The following CNTN5 variants were observed in gnomAD, a reference collection of about 807,000 sequenced individuals.
The protein encoded by CNTN5 is contactin 5.
Under a neutral mutation model 129.1 loss-of-function variants are expected in CNTN5, and 77 were observed. The ratio of observed to expected loss-of-function variants is 0.60; its 90% CI spans 0.50 to 0.72. The LOEUF is 0.72. Ranked by LOEUF, CNTN5 falls within the 30% of genes least tolerant of loss-of-function variation. The probability of loss-of-function intolerance (pLI) is 0.00; values close to 1 mark genes in which losing one functional copy is unlikely to be tolerated. For synonymous variants in CNTN5, 509 were observed against 465.6 expected, an observed-to-expected ratio of 1.09 and a Z score of -1.20; for missense variants, 1,478 against 1,328.8, an observed-to-expected ratio of 1.11 and a Z score of -1.75.
At chr11:100,139,817 T>TTAGCCTGGG (rs1339114660) in intron 13 of CNTN5, among the ~76,000 whole-genome samples, 1 of 151,772 alleles carries the variant, frequency 6.6e-6, no homozygotes, top group Non-Finnish European at 1.5e-5. Context: ...TGAGCTGAGA[T>TTAGCCTGGG]TAGCCTGGGT....
intron 1 of CNTN5, among the ~76,000 whole-genome samples, chr11:99,097,362 T>G (rs1185695556): frequency 6.6e-6 from 1 of 151,890 alleles, no homozygotes; most frequent in African/African-American, 2.4e-5. Flanking sequence ...AAAAATATGA[T>G]GTATTACCAC....
intron 2 of CNTN5, among the ~76,000 whole-genome samples, chr11:99,432,404 G>C (rs1943408619): frequency 1.4e-5 from 2 of 147,746 alleles, no homozygotes; most frequent in South Asian, 2.2e-4. Context: ...ACCAGAGTTG[G>C]GGCTCTGTTT....
chr11:100,320,993 T>G (rs1336620950), intron 21 of CNTN5, among the ~76,000 whole-genome samples: 1 of 152,196 alleles, frequency 6.6e-6, no homozygotes, highest in Non-Finnish European at 1.5e-5. Context: ...GGTAGTTTGA[T>G]ACCTCCAATT....
chr11:99,289,606 C>A (rs959772350), intron 1 of CNTN5, among the ~76,000 whole-genome samples: 3 of 151,678 alleles, frequency 2.0e-5, no homozygotes, highest in Non-Finnish European at 3.0e-5. Flanking sequence ...AAATTATGAC[C>A]ATTCTACTTT....
intron 4 of CNTN5, among the ~76,000 whole-genome samples, chr11:99,823,691 A>G (rs570509579): frequency 1.4e-5 from 2 of 147,988 alleles, no homozygotes; most frequent in South Asian, 4.1e-4. Flanking sequence ...CTATATATTA[A>G]GTTTATTAAA....
intron 20 of CNTN5, among the ~76,000 whole-genome samples, chr11:100,304,574 A>G (rs986889390): frequency 2.0e-5 from 3 of 151,556 alleles, no homozygotes; most frequent in Non-Finnish European, 4.4e-5. Context: ...TTCTGGCAAG[A>G]TCTAGAAATA....
chr11:99,719,838 A>G (rs867690950), intron 3 of CNTN5, among the ~76,000 whole-genome samples: 21 of 152,270 alleles, frequency 1.4e-4, no homozygotes, highest in African/African-American at 4.3e-4. Flanking sequence ...TAGAAATGAC[A>G]AAGGAAATGT....
intron 7 of CNTN5, among the ~76,000 whole-genome samples, chr11:99,919,001 G>C (rs1410926023): frequency 3.3e-5 from 5 of 152,128 alleles, no homozygotes; most frequent in Non-Finnish European, 7.3e-5. Context: ...AGATTGTGCA[G>C]TCCAACTCCA....
At chr11:99,879,594 G>T (rs1591356408) in intron 6 of CNTN5, among the ~76,000 whole-genome samples, 1 of 151,694 alleles carries the variant, frequency 6.6e-6, no homozygotes, top group East Asian at 1.9e-4. Flanking sequence ...TTGAGTTTGG[G>T]TTTTTTTTCT....
intron 3 of CNTN5, among the ~76,000 whole-genome samples, chr11:99,581,831 G>T (rs1020795134): frequency 6.6e-6 from 1 of 152,118 alleles, no homozygotes; most frequent in Non-Finnish European, 1.5e-5. Context: ...TTACATTTAA[G>T]GTTATTATTG....
chr11:100,348,051 T>C (rs1159255839), intron 23 of CNTN5, among the ~76,000 whole-genome samples: 2 of 151,362 alleles, frequency 1.3e-5, no homozygotes, highest in Non-Finnish European at 3.0e-5. Context: ...TGCTCTCAGT[T>C]TTTTTTTTAA....
At chr11:99,157,395 C>A (rs911941850) in intron 1 of CNTN5, among the ~76,000 whole-genome samples, 1 of 151,892 alleles carries the variant, frequency 6.6e-6, no homozygotes, top group Non-Finnish European at 1.5e-5. Context: ...AATTGAATTG[C>A]TTTTAAAACC....
At chr11:99,430,755 A>T (rs1943333170) in intron 2 of CNTN5, among the ~76,000 whole-genome samples, 1 of 151,982 alleles carries the variant, frequency 6.6e-6, no homozygotes, top group Non-Finnish European at 1.5e-5. Context: ...GGAGAAAAAG[A>T]CAAGGAAGAA....
intron 17 of CNTN5, among the ~76,000 whole-genome samples, chr11:100,261,549 A>G (rs1001725239): frequency 6.6e-6 from 1 of 152,198 alleles, no homozygotes; most frequent in Admixed American, 6.5e-5. Context: ...CTCAAATTCT[A>G]CTATAAGGCT....
At chr11:100,032,719 G>C (rs1227019721) in intron 9 of CNTN5, among the ~76,000 whole-genome samples, 4 of 152,050 alleles carry the variant, frequency 2.6e-5, no homozygotes, top group African/African-American at 9.7e-5. Context: ...CCCACATTTG[G>C]GGGAAAGAAA....
intron 3 of CNTN5, among the ~76,000 whole-genome samples, chr11:99,758,506 A>G (rs1260207228): frequency 1.3e-5 from 2 of 152,076 alleles, no homozygotes; most frequent in Non-Finnish European, 2.9e-5. Context: ...CAGAATATGC[A>G]AAGATGATTG....
At chr11:99,506,442 C>A (rs575526051) in intron 2 of CNTN5, among the ~76,000 whole-genome samples, 5 of 152,026 alleles carry the variant, frequency 3.3e-5, no homozygotes, top group African/African-American at 4.8e-5. Flanking sequence ...AGGTTCACAC[C>A]TCTGTCTTGT....
chr11:100,351,797 C>A (rs1038881226), intron 24 of CNTN5, among the ~76,000 whole-genome samples: 6 of 151,214 alleles, frequency 4.0e-5, no homozygotes, highest in Non-Finnish European at 8.9e-5. Context: ...GCAATCATTG[C>A]CAAGCAGAAT....
At chr11:99,212,372 G>C (rs1306968426) in intron 1 of CNTN5, among the ~76,000 whole-genome samples, 1 of 152,148 alleles carries the variant, frequency 6.6e-6, no homozygotes. Flanking sequence ...GGTTGTGGGG[G>C]AAGTTGCTTA....
Sources: allele counts gnomAD v4.1 joint callset (sites outside exome capture counted in the v4.1 genomes callset), GRCh38; gene constraint gnomAD v4.1.1; transcripts MANE v1.5; gene names NCBI Gene and HGNC (gene_info 2026-07-23, HGNC 2026-07-21).